RIMBP2: variants seen among roughly 807,000 people sequenced by gnomAD.
RIMBP2 encodes RIMS-binding protein 2.
In RIMBP2, 48 loss-of-function variants were observed where a neutral mutation model predicts 118.6. The ratio of observed to expected loss-of-function variants is 0.40; its 90% CI spans 0.32 to 0.51. RIMBP2 has a LOEUF of 0.51. RIMBP2 is among the 20% of genes least tolerant of loss of function. The probability of loss-of-function intolerance (pLI) is 0.41; values close to 1 mark genes in which losing one functional copy is unlikely to be tolerated. For missense variants in RIMBP2, 1,551 were observed against 1,768.3 expected, an observed-to-expected ratio of 0.88 and a Z score of 2.20; for synonymous variants, 762 against 742.9, an observed-to-expected ratio of 1.03 and a Z score of -0.42.
intron 1 of RIMBP2, among the ~76,000 whole-genome samples, chr12:130,674,904 G>A (rs542982778): frequency 5.3e-4 from 81 of 152,266 alleles, no homozygotes; most frequent in Non-Finnish European, 9.3e-4. Context: ...CAGCGTGTCC[G>A]CAAGGTTCAT....
intron 6 of RIMBP2, chr12:130,465,986 G>C (rs1040238741): frequency 6.6e-6 from 1 of 152,212 alleles, no homozygotes; most frequent in African/African-American, 2.4e-5. Context: ...CCTGAGGCTT[G>C]AATGGGATTC....
rs112716366 is a variant in RIMBP2, at chr12:130,546,965, AC to A, written c.-216-29049del. Among the ~76,000 whole-genome samples, 1,512 of 151,950 alleles carry A rather than the reference AC, an allele frequency of 1.0e-2. 24 individuals are homozygous for A. The highest frequency in any genetic ancestry group is 0.035 in the African/African-American group (1,437 of 41,460). Reference sequence around the variant, plus strand: ...CCTCCACTGACCCACCACAACCCCCACCCACTCCCTATCATCTCCCCAGTGC... The same window carrying A: ...CCTCCACTGACCCACCACAACCCCCACCACTCCCTATCATCTCCCCAGTGC... On this transcript the variant is annotated intron_variant, in intron 2 of 22. Coordinates refer to ENST00000690449, the MANE Select transcript of RIMBP2 (RefSeq NM_001393629.1).
Position 130,442,415 on chromosome 12 carries a change from T to A in RIMBP2, c.937A>T (p.Ile313Phe). The A allele has an allele frequency of 6.2e-7, 1 of 1,614,162 alleles. No individual in the cohort carries two copies. Among genetic ancestry groups the A allele is most frequent in the Non-Finnish European group, 8.5e-7 (1 of 1,180,022 alleles). ...DVNIDDIGED[I>F]VPYPRKITLI... is the part of the protein sequence containing the mutation. ...GTGATTTTTCTAGGGTAAGGCACGA[T>A]GTCTTCTCCGATGTCGTCGATGTTC... Residue 313 changes from isoleucine to phenylalanine, a missense_variant, in exon 11 of 23, where the codon ATC becomes TTC. Ile to Phe is a conservative substitution (Grantham distance 21). This residue lies in a region of RIMBP2 where 265 missense variants were observed against 349.5 expected (regional missense o/e 0.76). Transcript: ENST00000690449. This position sits in a 1 kb window ranked among gnomAD's most constrained non-coding sequence, Gnocchi z 6.9.
At chr12:130,596,992 C>T (rs2059599896) in intron 2 of RIMBP2, among the ~76,000 whole-genome samples, 1 of 152,162 alleles carries the variant, frequency 6.6e-6, no homozygotes, top group Admixed American at 6.5e-5. Flanking sequence ...GATAGTTTTG[C>T]TGGGGATTTC....
intron 1 of RIMBP2, among the ~76,000 whole-genome samples, chr12:130,680,100 C>T (rs2064706331): frequency 1.3e-5 from 2 of 152,376 alleles, no homozygotes; most frequent in African/African-American, 2.4e-5. Context: ...CAAGTGAGAC[C>T]ATGCAGGCAA....
At chr12:130,489,023 T>C (rs562292326) in intron 4 of RIMBP2, among the ~76,000 whole-genome samples, 8 of 152,188 alleles carry the variant, frequency 5.3e-5, no homozygotes, top group Non-Finnish European at 7.4e-5. Context: ...ACGGCTAGCA[T>C]GGGGAGTTGA....
At chr12:130,675,423 C>G (rs544847176) in intron 1 of RIMBP2, among the ~76,000 whole-genome samples, 8 of 152,312 alleles carry the variant, frequency 5.3e-5, no homozygotes, top group African/African-American at 1.7e-4. Flanking sequence ...CACCCGCCAG[C>G]CTGCTCTGCA....
At chr12:130,629,428 T>C (rs10744473) in intron 1 of RIMBP2, among the ~76,000 whole-genome samples, 87,656 of 152,104 alleles carry the variant, frequency 0.58, 26,997 homozygotes, top group Admixed American at 0.67. Context: ...ATGCATAATG[T>C]TAGTTCAAGC....
At chr12:130,632,216 C>T (rs2062034702) in intron 1 of RIMBP2, among the ~76,000 whole-genome samples, 1 of 152,222 alleles carries the variant, frequency 6.6e-6, no homozygotes, top group South Asian at 2.1e-4. Context: ...CAGGCAGAGG[C>T]ACATCGTCGT....
At chr12:130,585,517 T>G (rs1593915267) in intron 2 of RIMBP2, among the ~76,000 whole-genome samples, 1 of 149,414 alleles carries the variant, frequency 6.7e-6, no homozygotes, top group East Asian at 2.0e-4. Flanking sequence ...GAGGCTGAGG[T>G]GGGAGAACTG....
rs140533965 is a variant in RIMBP2 at position 130,476,368 on chromosome 12, C to T, written c.102+2544G>A. 2.9e-3 allele frequency among the ~76,000 whole-genome samples: 434 copies of T among 152,280 alleles called. 3 individuals are homozygous for T. Among genetic ancestry groups the T allele is most frequent in the African/African-American group, 0.01 (416 of 41,556 alleles). On this transcript the variant is annotated intron_variant, in intron 5 of 22. Coordinates refer to ENST00000690449, the MANE Select transcript of RIMBP2 (RefSeq NM_001393629.1). ...CCCTCTCATCAGAATCACCTTTGGG[C>T]CTTGGAGAGTCCAAAGACGACTGGT...
At chr12:130,709,494 C>T (rs2136867637) in intron 1 of RIMBP2, among the ~76,000 whole-genome samples, 1 of 152,348 alleles carries the variant, frequency 6.6e-6, no homozygotes, top group African/African-American at 2.4e-5. Flanking sequence ...AGCTCGAGCC[C>T]TTGGCCCTTG....
At chr12:130,486,213 T>C (rs1024524772) in intron 4 of RIMBP2, among the ~76,000 whole-genome samples, 1 of 152,124 alleles carries the variant, frequency 6.6e-6, no homozygotes, top group Non-Finnish European at 1.5e-5. Flanking sequence ...ATGGCCACTT[T>C]CGTGCCCTGA....
intron 2 of RIMBP2, among the ~76,000 whole-genome samples, chr12:130,556,318 G>C (rs58022716): frequency 1.3e-5 from 2 of 152,148 alleles, no homozygotes; most frequent in Non-Finnish European, 2.9e-5. Flanking sequence ...AATGGATCAA[G>C]GTGGTTTCTA....
chr12:130,434,972 G>T lies in RIMBP2; in HGVS notation c.2107-92C>A. The T allele has an allele frequency of 1.4e-6, 2 of 1,400,944 alleles. No individual in the cohort carries two copies. Among genetic ancestry groups the T allele is most frequent in the Non-Finnish European group, 1.9e-6 (2 of 1,041,586 alleles). 86.8% of individuals were successfully genotyped at this position (1,400,944 alleles called of 1,614,324 possible). On this transcript the variant is annotated intron_variant, in intron 13 of 22. Transcript: ENST00000690449. The surrounding 1 kb of genome is among the most constrained non-coding windows in gnomAD (Gnocchi z 5.7). ...CATTCACCAAACCTTCAGCCCCTCA[G>T]AGCCTGGCCAGGCACCCCCCACACA...
At position 130,424,098 on chromosome 12, in the gene RIMBP2, T is replaced by C. The variant is rs115020188; in HGVS notation, c.3129+44A>G. Reference sequence around the variant, plus strand: ...AAAACCAGTGAAAGGATGGGACAGATTGGTTTGGCAAGCGGCTGTGAAAAG... The same window carrying C: ...AAAACCAGTGAAAGGATGGGACAGACTGGTTTGGCAAGCGGCTGTGAAAAG... On this transcript the variant is annotated intron_variant, in intron 16 of 22. Coordinates refer to ENST00000690449, the MANE Select transcript of RIMBP2 (RefSeq NM_001393629.1). The surrounding 1 kb of genome is among the most constrained non-coding windows in gnomAD (Gnocchi z 9.8). 3.5e-4 allele frequency: 359 copies of C among 1,023,792 alleles called. 2 individuals are homozygous for C. In the African/African-American group the frequency reaches 5.3e-3, roughly 15 times the overall value. 63.4% of individuals were successfully genotyped at this position (1,023,792 alleles called of 1,614,324 possible).
At chr12:130,399,533 TC>T (rs1195304850) in intron 22 of RIMBP2, 145 bp downstream of exon 22, 2 of 818,066 alleles carry the variant, frequency 2.4e-6, no homozygotes, top group Admixed American at 2.8e-5. Context: ...TAGGTACAAC[TC>T]CCATGGCTTC....
At chr12:130,410,182 G>A (rs545776989) in intron 19 of RIMBP2, among the ~76,000 whole-genome samples, 10 of 152,254 alleles carry the variant, frequency 6.6e-5, no homozygotes, top group South Asian at 2.1e-4. Flanking sequence ...CCCACATATC[G>A]TCTTTGGCGA....
At chr12:130,448,930 T>C (rs2078766507) in intron 9 of RIMBP2, among the ~76,000 whole-genome samples, 1 of 152,256 alleles carries the variant, frequency 6.6e-6, no homozygotes, top group African/African-American at 2.4e-5. Flanking sequence ...CAGCTCTTGC[T>C]GGAGAAAGCA....
Sources: allele counts gnomAD v4.1 joint callset (sites outside exome capture counted in the v4.1 genomes callset), GRCh38; gene constraint gnomAD v4.1.1; regional missense constraint gnomAD v4.1.1; non-coding constraint Gnocchi (gnomAD v3.1); transcripts MANE v1.5; gene names NCBI Gene and HGNC (gene_info 2026-07-23, HGNC 2026-07-21).